The following FBXL13 variants were observed in gnomAD, a reference collection of about 807,000 sequenced individuals.
FBXL13 encodes F-box and leucine rich repeat protein 13.
FBXL13 carries 67 observed loss-of-function variants against 83.6 expected under a neutral mutation model. That is an observed-to-expected ratio of 0.80 (90% CI 0.66 to 0.98). The LOEUF is 0.98. Among genes scored for constraint, FBXL13 ranks in the 50% least tolerant of loss-of-function variants. The pLI is 0.00. For synonymous variants in FBXL13, 272 were observed against 299.5 expected (o/e 0.91, Z 0.95); for missense variants, 822 against 866.5 (o/e 0.95, Z 0.64).
chr7:102,869,213 C>G (rs901574192), intron 16 of FBXL13, among the ~76,000 whole-genome samples: 3 of 152,160 alleles, frequency 2.0e-5, no homozygotes, highest in African/African-American at 7.2e-5. Context: ...TTTTGATTTG[C>G]AGTTCCCTGG....
At chr7:103,023,664 C>A (rs1454926514) in intron 6 of FBXL13, among the ~76,000 whole-genome samples, 1 of 152,186 alleles carries the variant, frequency 6.6e-6, no homozygotes, top group Admixed American at 6.5e-5. Context: ...CATAAAGACA[C>A]ATGCATGCAT....
intron 2 of FBXL13, among the ~76,000 whole-genome samples, chr7:103,050,925 C>T (rs983949536): frequency 2.0e-5 from 3 of 152,190 alleles, no homozygotes; most frequent in African/African-American, 4.8e-5. Context: ...CTGTTCTTAA[C>T]TGAAAGAGAC....
chr7:102,961,858 C>CCTTTAG (rs1251192348), intron 8 of FBXL13, among the ~76,000 whole-genome samples: 1 of 143,714 alleles, frequency 7.0e-6, no homozygotes, highest in Non-Finnish European at 1.5e-5. Flanking sequence ...AAGACTTAAA[C>CCTTTAG]GTTAGACCTA....
chr7:103,016,298 C>T (rs199748994), intron 6 of FBXL13, among the ~76,000 whole-genome samples: 22 of 133,748 alleles, frequency 1.6e-4, no homozygotes, highest in South Asian at 2.3e-4. Flanking sequence ...AACATGGTTC[C>T]GTTACAAAAA....
chr7:102,893,940 GAGAAAGAAAGAAAGAAAGAA>G (rs757315918), intron 11 of FBXL13, among the ~76,000 whole-genome samples: 1 of 124,318 alleles, frequency 8.0e-6, no homozygotes, highest in Non-Finnish European at 1.7e-5. Flanking sequence ...GACAGAGAAA[GAGAAAGAAAGAAAGAAAGAA>G]AGAGAGAAAG....
At chr7:102,988,781 A>T (rs1268987516) in intron 6 of FBXL13, 2 of 152,334 alleles carry the variant, frequency 1.3e-5, no homozygotes, top group African/African-American at 4.8e-5. Context: ...CTCAAGGGAC[A>T]CCCTAGGCTG....
Position 103,006,770 on chromosome 7 carries a change from T to C in FBXL13, c.495+18293A>G, listed in dbSNP as rs188306287. The stretch of plus-strand genomic sequence containing the variant: ...AAATAACTAAGAGAGAAACCAAAAA[T>C]AGAAACACACAGAGAAATTGCAAGG... On this transcript the variant is annotated intron_variant, in intron 6 of 19. Transcript: ENST00000313221. Among the ~76,000 whole-genome samples the C allele has an allele frequency of 4.9e-3, 741 of 151,716 alleles. 6 individuals are homozygous for C. The highest frequency in any genetic ancestry group is 0.017 in the African/African-American group (709 of 41,376).
At chr7:102,984,776 T>C (rs1482198728) in intron 6 of FBXL13, among the ~76,000 whole-genome samples, 1 of 152,226 alleles carries the variant, frequency 6.6e-6, no homozygotes, top group Non-Finnish European at 1.5e-5. Context: ...AATTATTATC[T>C]TAAAGATGCG....
At chr7:102,894,056 G>A (rs953456081) in intron 11 of FBXL13, among the ~76,000 whole-genome samples, 2 of 152,150 alleles carry the variant, frequency 1.3e-5, no homozygotes, top group East Asian at 1.9e-4. Context: ...TTCCTCCCCT[G>A]ACTCTTGCTT....
At chr7:102,912,019 G>A (rs1167114391) in intron 11 of FBXL13, among the ~76,000 whole-genome samples, 1 of 152,116 alleles carries the variant, frequency 6.6e-6, no homozygotes, top group Non-Finnish European at 1.5e-5. Context: ...AACCCTGGGG[G>A]AGAAACCCAT....
intron 1 of FBXL13, among the ~76,000 whole-genome samples, chr7:103,056,068 T>G (rs1797304832): frequency 6.6e-6 from 1 of 152,154 alleles, no homozygotes; most frequent in African/African-American, 2.4e-5. Context: ...ATCCTCATAG[T>G]TTAGCTCCCA....
chr7:102,811,366 T>C (rs545205122), downstream of FBXL13, among the ~76,000 whole-genome samples: 1 of 152,218 alleles, frequency 6.6e-6, no homozygotes, highest in South Asian at 2.1e-4. Flanking sequence ...CTTTGATATT[T>C]TGAGTAGTTT....
chr7:102,947,148 A>G lies in FBXL13; in HGVS notation c.725-15215T>C, dbSNP rs192570822. 3.2e-3 allele frequency among the ~76,000 whole-genome samples: 495 copies of G among 152,312 alleles called. 3 individuals carry two copies. Among genetic ancestry groups the G allele is most frequent in the African/African-American group, 0.011 (478 of 41,566 alleles). On this transcript the variant is annotated intron_variant, in intron 8 of 19. Transcript: ENST00000313221. Reference sequence around the variant, plus strand: ...AAGAAGTTCATTTATTTACAAATTCATTTATTATTGTTCATGAGCCTCAGA... The same window carrying G: ...AAGAAGTTCATTTATTTACAAATTCGTTTATTATTGTTCATGAGCCTCAGA...
intron 11 of FBXL13, among the ~76,000 whole-genome samples, chr7:102,910,454 G>A (rs549887855): frequency 1.3e-5 from 2 of 151,872 alleles, no homozygotes; most frequent in East Asian, 3.9e-4. Context: ...TGCGATGCCT[G>A]GGAAAAGCTC....
chr7:102,934,938 C>T (rs1204796473), intron 8 of FBXL13, among the ~76,000 whole-genome samples: 2 of 152,180 alleles, frequency 1.3e-5, no homozygotes, highest in Non-Finnish European at 2.9e-5. Flanking sequence ...TACTCATTTG[C>T]ACATCGCAAG....
At chr7:102,876,397 CCA>C (rs934981096) in intron 16 of FBXL13, among the ~76,000 whole-genome samples, 3 of 152,118 alleles carry the variant, frequency 2.0e-5, no homozygotes, top group Non-Finnish European at 4.4e-5. Flanking sequence ...TGCTTCCTAC[CCA>C]CAATCTCACA....
chr7:102,980,260 A>T (rs1347893809), intron 6 of FBXL13, among the ~76,000 whole-genome samples: 1 of 152,266 alleles, frequency 6.6e-6, no homozygotes, highest in Non-Finnish European at 1.5e-5. Flanking sequence ...CAGGATAGAC[A>T]TATAGACCAA....
chr7:102,973,841 A>G, intron 6 of FBXL13: 1 of 704,050 alleles, frequency 1.4e-6, no homozygotes. Context: ...CCAGTCTGAA[A>G]ATCCAACATT....
At chr7:102,813,635 T>C in intron 19 of FBXL13, 104 bp from the exon 21 acceptor site, 1 of 1,131,178 alleles carries the variant, frequency 8.8e-7, no homozygotes, top group Non-Finnish European at 1.3e-6. Flanking sequence ...TGTCACAATC[T>C]GAATTCACAT....
Sources: allele counts gnomAD v4.1 joint callset (sites outside exome capture counted in the v4.1 genomes callset), GRCh38; gene constraint gnomAD v4.1.1; transcripts MANE v1.5; gene names NCBI Gene and HGNC (gene_info 2026-07-23, HGNC 2026-07-21).